The following SYN3 variants were observed in gnomAD, a reference collection of about 807,000 sequenced individuals.
SYN3 encodes the protein synapsin-3.
In SYN3, 35 loss-of-function variants were observed where a neutral mutation model predicts 65.8. The ratio of observed to expected loss-of-function variants is 0.53; its 90% CI spans 0.41 to 0.70. The LOEUF is 0.70. SYN3 is among the 30% of genes least tolerant of loss of function. SYN3 has a pLI of 0.00. For synonymous variants in SYN3, 270 were observed against 292.9 expected (o/e 0.92, Z 0.80); for missense variants, 680 against 749.0 (o/e 0.91, Z 1.08).
intron 6 of SYN3, among the ~76,000 whole-genome samples, chr22:32,826,244 C>T (rs2047408489): frequency 6.6e-6 from 1 of 152,110 alleles, no homozygotes; most frequent in African/African-American, 2.4e-5. Context: ...GGCTGGTCAA[C>T]ATGGTGAAAC....
Position 32,510,553 on chromosome 22 carries a change from GT to G in SYN3, c.*3138del. Among the ~76,000 whole-genome samples, 1 of 152,208 alleles carries G rather than the reference GT, an allele frequency of 6.6e-6. No individual in the cohort carries two copies. The highest frequency in any genetic ancestry group is 2.1e-4 in the South Asian group (1 of 4,812). ...CTCATGGTTACACCCTGCCCTACAAGTTTTCTCTTACCCGTTTATTCAGGAT... is the reference window on the plus strand; with the variant it reads ...CTCATGGTTACACCCTGCCCTACAAGTTTCTCTTACCCGTTTATTCAGGAT... On this transcript the variant is annotated 3_prime_UTR_variant, in exon 14 of 14. Transcript: ENST00000358763.
At chr22:32,992,392 G>T (rs1422778705) in intron 2 of SYN3, among the ~76,000 whole-genome samples, 1 of 152,222 alleles carries the variant, frequency 6.6e-6, no homozygotes, top group African/African-American at 2.4e-5. Flanking sequence ...TGAATTTTCT[G>T]TATACTGAGC....
At chr22:32,752,098 A>G (rs79857592) in intron 6 of SYN3, among the ~76,000 whole-genome samples, 6,376 of 152,292 alleles carry the variant, frequency 0.042, 174 homozygotes, top group Non-Finnish European at 0.058. Flanking sequence ...AATATAGTAG[A>G]TGCTTAATAA....
At chr22:32,522,285 T>C (rs961723787) in intron 12 of SYN3, among the ~76,000 whole-genome samples, 1 of 152,226 alleles carries the variant, frequency 6.6e-6, no homozygotes, top group Non-Finnish European at 1.5e-5. Flanking sequence ...ATTACCTTAA[T>C]TGGTTTTAAA....
chr22:32,913,844 G>A (rs1201921673), intron 4 of SYN3, among the ~76,000 whole-genome samples: 2 of 152,176 alleles, frequency 1.3e-5, no homozygotes, highest in Non-Finnish European at 2.9e-5. Context: ...ACTGTTTATT[G>A]GCAGGAACAA....
chr22:32,690,765 G>A (rs2060651354), intron 6 of SYN3, among the ~76,000 whole-genome samples: 2 of 152,326 alleles, frequency 1.3e-5, no homozygotes, highest in East Asian at 1.9e-4. Context: ...AGCTAAAGAT[G>A]ATCAAGGAAG....
In SYN3 at chr22:32,665,556, A is replaced by C. The variant is rs986692758; in HGVS notation, c.712-68820T>G. Among the ~76,000 whole-genome samples the C allele has an allele frequency of 5.6e-3, 854 of 151,996 alleles. 12 individuals are homozygous for C. Among genetic ancestry groups the C allele is most frequent in the African/African-American group, 0.019 (787 of 41,456 alleles). On this transcript the variant is annotated intron_variant, in intron 6 of 13. Transcript: ENST00000358763. ...TTTTATCCATTAATTTCATTGATTAATAGGCATTTGGGCTGGTTCCATATT... is the reference window on the plus strand; with the variant it reads ...TTTTATCCATTAATTTCATTGATTACTAGGCATTTGGGCTGGTTCCATATT...
rs181948319 is a variant in SYN3, at chr22:32,893,503, G to A, written c.462-24378C>T. ...TCCTGCAGGAGTCAACCCTTCAGTA[G>A]AGTCTTAAAAATCAGTAGAGTTTGG... On this transcript the variant is annotated intron_variant, in intron 4 of 13. Coordinates refer to ENST00000358763, the MANE Select transcript of SYN3 (RefSeq NM_003490.4). 3.3e-5 allele frequency among the ~76,000 whole-genome samples: 5 copies of A among 152,304 alleles called. No individual in the cohort carries two copies. In the East Asian group the frequency reaches 9.7e-4, roughly 29 times the overall value.
chr22:32,581,792 C>CTTT (rs10716395), intron 7 of SYN3, among the ~76,000 whole-genome samples: 90 of 84,250 alleles, frequency 1.1e-3, no homozygotes, highest in Non-Finnish European at 1.3e-3. Flanking sequence ...TTCTTTCTTT[C>CTTT]TTTTTTTTTT....
At chr22:32,562,298 A>G (rs1459182066) in intron 7 of SYN3, among the ~76,000 whole-genome samples, 3 of 152,198 alleles carry the variant, frequency 2.0e-5, no homozygotes, top group Admixed American at 6.6e-5. Flanking sequence ...CCTTCATTGC[A>G]TGACCCCTTG....
At chr22:33,016,456 A>G (rs1014080511) in intron 1 of SYN3, among the ~76,000 whole-genome samples, 1 of 152,198 alleles carries the variant, frequency 6.6e-6, no homozygotes, top group Non-Finnish European at 1.5e-5. Flanking sequence ...TTCTTTGATA[A>G]AAGGAAATAA....
intron 6 of SYN3, among the ~76,000 whole-genome samples, chr22:32,828,723 T>G (rs955558264): frequency 1.3e-5 from 2 of 152,202 alleles, no homozygotes; most frequent in African/African-American, 4.8e-5. Flanking sequence ...CACTATAGAC[T>G]TCTTGGCCGG....
Position 32,570,048 on chromosome 22 carries a change from T to C in SYN3, c.774+26626A>G, listed in dbSNP as rs147599568. 8.1e-4 allele frequency among the ~76,000 whole-genome samples: 124 copies of C among 152,358 alleles called. 1 individual carries two copies. In the Middle Eastern group the frequency reaches 0.01, roughly 13 times the overall value. The stretch of plus-strand genomic sequence containing the variant: ...CTCCCAGTCCTCTGAAAAGTGTTTT[T>C]AGTACGGGCCATGCTGAGGGTGTGT... On this transcript the variant is annotated intron_variant, in intron 7 of 13. Coordinates refer to ENST00000358763, the MANE Select transcript of SYN3 (RefSeq NM_003490.4).
intron 7 of SYN3, among the ~76,000 whole-genome samples, chr22:32,548,855 A>T (rs2058371614): frequency 6.6e-6 from 1 of 152,232 alleles, no homozygotes; most frequent in Non-Finnish European, 1.5e-5. Flanking sequence ...TGTTTATTGC[A>T]GCACTACGTG....
At chr22:32,720,129 C>T (rs1285801939) in intron 6 of SYN3, among the ~76,000 whole-genome samples, 2 of 152,296 alleles carry the variant, frequency 1.3e-5, no homozygotes, top group South Asian at 2.1e-4. Context: ...ATGGTAGTAC[C>T]GGCCCCATGT....
chr22:32,560,054 C>G (rs138588064), intron 7 of SYN3, among the ~76,000 whole-genome samples: 1,793 of 152,330 alleles, frequency 0.012, 17 homozygotes, highest in Non-Finnish European at 0.017. Context: ...CACACTGTGC[C>G]TGCAGCCCCT....
intron 6 of SYN3, among the ~76,000 whole-genome samples, chr22:32,655,942 C>T (rs1056744816): frequency 6.6e-6 from 1 of 152,150 alleles, no homozygotes; most frequent in African/African-American, 2.4e-5. Context: ...TAAGACAAAA[C>T]CCCAGCTTCA....
intron 6 of SYN3, among the ~76,000 whole-genome samples, chr22:32,766,016 A>C (rs559702340): frequency 6.6e-6 from 1 of 152,174 alleles, no homozygotes; most frequent in African/African-American, 2.4e-5. Context: ...CTGGTTTTCA[A>C]GGTTTTTGTT....
At chr22:32,750,111 C>T (rs764404275) in intron 6 of SYN3, among the ~76,000 whole-genome samples, 2 of 152,082 alleles carry the variant, frequency 1.3e-5, no homozygotes, top group Non-Finnish European at 2.9e-5. Flanking sequence ...TGAATAAGAT[C>T]GATGTGGTTG....
Sources: allele counts gnomAD v4.1 joint callset (sites outside exome capture counted in the v4.1 genomes callset), GRCh38; gene constraint gnomAD v4.1.1; transcripts MANE v1.5; gene names NCBI Gene and HGNC (gene_info 2026-07-23, HGNC 2026-07-21).